Variants in RPS6KC1 observed in about 807,000 individuals in gnomAD.
RPS6KC1 encodes the protein inactive ribosomal protein S6 kinase delta-1.
RPS6KC1 carries 54 observed loss-of-function variants against 103.8 expected under a neutral mutation model. The observed-to-expected ratio is 0.52, with a 90% CI of 0.42 to 0.65. The LOEUF is 0.65. Among genes scored for constraint, RPS6KC1 ranks in the 30% least tolerant of loss-of-function variants. The pLI, the probability that RPS6KC1 is intolerant of heterozygous loss-of-function variation, is 0.00. For synonymous variants in RPS6KC1, 439 were observed against 438.7 expected, an observed-to-expected ratio of 1.00 and a Z score of -0.01; for missense variants, 1,151 against 1,253.8, an observed-to-expected ratio of 0.92 and a Z score of 1.24.
intron 14 of RPS6KC1, among the ~76,000 whole-genome samples, chr1:213,267,018 T>C (rs2149144004): frequency 6.6e-6 from 1 of 151,946 alleles, no homozygotes; most frequent in East Asian, 1.9e-4. Flanking sequence ...CCTTCCTGCT[T>C]GGTCAGGTGC....
the RPS6KC1 span, among the ~76,000 whole-genome samples, chr1:213,485,121 C>T: frequency 8.0e-3 from 1,216 of 152,280 alleles, 21 homozygotes; most frequent in African/African-American, 0.025. Context: ...CCATCCTGGC[C>T]TCCCAAAGTG....
chr1:213,823,683 C>T, the RPS6KC1 span, among the ~76,000 whole-genome samples: 1 of 149,736 alleles, frequency 6.7e-6, no homozygotes, highest in Admixed American at 6.7e-5. Context: ...AGTTTTTATT[C>T]TTCGTGCAGT....
At chr1:213,789,842 A>C in the RPS6KC1 span, among the ~76,000 whole-genome samples, 1 of 152,192 alleles carries the variant, frequency 6.6e-6, no homozygotes, top group Non-Finnish European at 1.5e-5. Context: ...TCTGTACTGG[A>C]GACTTTTGAA....
the RPS6KC1 span, among the ~76,000 whole-genome samples, chr1:213,318,440 T>C: frequency 1.4e-4 from 22 of 152,394 alleles, no homozygotes; most frequent in South Asian, 1.4e-3. Context: ...ATGCGCTGCT[T>C]GGACTGCATC....
the RPS6KC1 span, among the ~76,000 whole-genome samples, chr1:213,569,067 C>A: frequency 6.6e-6 from 1 of 152,178 alleles, no homozygotes; most frequent in Non-Finnish European, 1.5e-5. Flanking sequence ...CCCACTGTAG[C>A]ATTTGGGTGG....
Position 213,066,029 on chromosome 1 carries a change from C to G in RPS6KC1, c.106-4977C>G, listed in dbSNP as rs368166797. Among the ~76,000 whole-genome samples, 5 of 152,166 alleles carry G rather than the reference C, an allele frequency of 3.3e-5. No homozygotes were observed. The East Asian group carries it at 5.8e-4, about 18-fold the overall frequency. On this transcript the variant is annotated intron_variant, in intron 1 of 14. Transcript: ENST00000366960. ...GTAAAAGGGGAAGTCATAATAGCTA[C>G]TCCTGCCTAACTCATAGGTTGTTGA...
the RPS6KC1 span, among the ~76,000 whole-genome samples, chr1:213,754,922 G>A: frequency 2.0e-5 from 3 of 152,202 alleles, no homozygotes; most frequent in Non-Finnish European, 4.4e-5. Context: ...CACAATTGTA[G>A]ATGATTTAGC....
the RPS6KC1 span, among the ~76,000 whole-genome samples, chr1:213,692,327 G>A: frequency 1.0e-3 from 153 of 151,376 alleles, 3 homozygotes; most frequent in East Asian, 0.026. Flanking sequence ...CACAGGAGGT[G>A]GAGGTTGCAG....
chr1:213,650,956 G>C, the RPS6KC1 span, among the ~76,000 whole-genome samples: 229 of 151,172 alleles, frequency 1.5e-3, 4 homozygotes, highest in East Asian at 0.04. Context: ...AGAGGGGAGA[G>C]GGGGAGAGAG....
In RPS6KC1 at chr1:213,257,160, T is replaced by A. The variant is rs930204089; in HGVS notation, c.2912-4398T>A. Among the ~76,000 whole-genome samples the A allele has an allele frequency of 2.0e-5, 3 of 152,168 alleles. No homozygotes were observed. In the East Asian group the frequency reaches 5.8e-4, roughly 29 times the overall value. ...TTCAAGAACACACTCTCCCTCGGCC[T>A]CCCCACTAACACATTTCATCTGGGG... On this transcript the variant is annotated intron_variant, in intron 12 of 14. Transcript: ENST00000366960.
the RPS6KC1 span, among the ~76,000 whole-genome samples, chr1:213,858,130 T>C: frequency 5.7e-4 from 87 of 152,314 alleles, no homozygotes; most frequent in African/African-American, 2.0e-3. Context: ...TCAATAACAA[T>C]GATAATGATA....
At chr1:213,189,016 G>C (rs1440991314) in intron 8 of RPS6KC1, among the ~76,000 whole-genome samples, 1 of 152,126 alleles carries the variant, frequency 6.6e-6, no homozygotes, top group Non-Finnish European at 1.5e-5. Context: ...CACACACATA[G>C]AGAACAGCAT....
intron 8 of RPS6KC1, among the ~76,000 whole-genome samples, chr1:213,200,210 C>T (rs371935104): frequency 6.6e-6 from 1 of 152,138 alleles, no homozygotes. Flanking sequence ...AAGCTGTAGG[C>T]ATCATGCTAC....
chr1:213,110,206 C>T (rs1030673848), intron 4 of RPS6KC1, among the ~76,000 whole-genome samples: 1 of 152,126 alleles, frequency 6.6e-6, no homozygotes, highest in African/African-American at 2.4e-5. Flanking sequence ...TCTTTGTTCC[C>T]TCACAGATAG....
At chr1:213,487,497 T>C in the RPS6KC1 span, among the ~76,000 whole-genome samples, 1 of 79,648 alleles carries the variant, frequency 1.3e-5, no homozygotes, top group African/African-American at 3.9e-5. Context: ...CCTGAGTGAT[T>C]TTTTTTTTTA....
intron 3 of RPS6KC1, among the ~76,000 whole-genome samples, chr1:213,091,770 C>T (rs879362815): frequency 6.6e-5 from 10 of 152,218 alleles, no homozygotes; most frequent in Middle Eastern, 6.8e-3. Context: ...TGGTTATTTT[C>T]CTTGAATTGT....
chr1:213,828,345 G>C, the RPS6KC1 span, among the ~76,000 whole-genome samples: 1 of 152,266 alleles, frequency 6.6e-6, no homozygotes, highest in Admixed American at 6.5e-5. Context: ...GGCATGTCTA[G>C]ACTCTCTTCA....
intron 6 of RPS6KC1, among the ~76,000 whole-genome samples, chr1:213,160,023 G>A (rs1383882721): frequency 6.6e-6 from 1 of 152,132 alleles, no homozygotes; most frequent in East Asian, 1.9e-4. Context: ...GTAATTACTT[G>A]AGTTATGCAG....
the RPS6KC1 span, among the ~76,000 whole-genome samples, chr1:213,537,335 G>C: frequency 1.3e-5 from 2 of 152,106 alleles, no homozygotes; most frequent in African/African-American, 4.8e-5. Flanking sequence ...TATTGCCACT[G>C]GGAGCGTTTA....
Sources: allele counts gnomAD v4.1 joint callset (sites outside exome capture counted in the v4.1 genomes callset), GRCh38; gene constraint gnomAD v4.1.1; transcripts MANE v1.5; gene names NCBI Gene and HGNC (gene_info 2026-07-23, HGNC 2026-07-21).